PNPLA7: variants seen among roughly 807,000 people sequenced by gnomAD.
PNPLA7 encodes patatin-like phospholipase domain-containing protein 7.
Under a neutral mutation model 161.7 loss-of-function variants are expected in PNPLA7, and 153 were observed. That is an observed-to-expected ratio of 0.95 (90% CI 0.83 to 1.08). PNPLA7 has a LOEUF of 1.08. Ranked by LOEUF, PNPLA7 falls within the 50% of genes least tolerant of loss-of-function variation. The pLI is 0.00. For missense variants in PNPLA7, 1,739 were observed against 1,856.6 expected, an observed-to-expected ratio of 0.94 and a Z score of 1.16; for synonymous variants, 809 against 782.1, an observed-to-expected ratio of 1.03 and a Z score of -0.57.
At chr9:137,549,976 G>A (rs763203734) in intron 1 of PNPLA7, among the ~76,000 whole-genome samples, 192 bp downstream of exon 1, 10 of 152,216 alleles carry the variant, frequency 6.6e-5, no homozygotes, top group Admixed American at 3.9e-4. Flanking sequence ...TGTGACAGGC[G>A]CGTCTAACAA....
At chr9:137,539,484 C>G (rs565745592) in intron 8 of PNPLA7, among the ~76,000 whole-genome samples, 1 of 152,142 alleles carries the variant, frequency 6.6e-6, no homozygotes, top group African/African-American at 2.4e-5. Flanking sequence ...TCAGCCTGGC[C>G]AACATGGCAA....
rs766686294 is a variant in PNPLA7 at position 137,462,232 on chromosome 9, G to A, written c.3592C>T (p.Pro1198Ser). Residue 1198 changes from proline (P) to serine (S), a missense_variant, in exon 31 of 35, where the codon CCC becomes TCC. Pro to Ser is a moderately conservative substitution (Grantham distance 74). This residue lies in a region of PNPLA7 where 703 missense variants were observed against 694.6 expected (regional missense o/e 1.01). Coordinates refer to ENST00000406427, the MANE Select transcript of PNPLA7 (RefSeq NM_001098537.3). The part of the protein sequence containing the change: ...KSSDYCEYLR[P>S]PIDSYSTLDF... ...AGGGTGCTGTAGCTGTCGATGGGGGGGCGCAGGTACTCGCAGTAGTCACTG... is the reference window on the plus strand; with the variant it reads ...AGGGTGCTGTAGCTGTCGATGGGGGAGCGCAGGTACTCGCAGTAGTCACTG... The A allele has an allele frequency of 2.5e-6, 4 of 1,607,738 alleles. No individual in the cohort carries two copies. Among genetic ancestry groups the A allele is most frequent in the Non-Finnish European group, 3.4e-6 (4 of 1,176,718 alleles).
At chr9:137,539,974 C>T (rs989028940) in intron 8 of PNPLA7, among the ~76,000 whole-genome samples, 6 of 152,062 alleles carry the variant, frequency 3.9e-5, no homozygotes, top group Admixed American at 6.5e-5. Context: ...TTAGTAGAGA[C>T]GGGGTTTCAC....
At chr9:137,492,417 T>G (rs1221239827) in intron 20 of PNPLA7, 9 of 787,574 alleles carry the variant, frequency 1.1e-5, no homozygotes, top group Non-Finnish European at 1.4e-5. Context: ...GAGATACAGT[T>G]TGAAAAAAAT....
intron 8 of PNPLA7, among the ~76,000 whole-genome samples, chr9:137,534,483 G>A (rs1184589909): frequency 6.6e-6 from 1 of 152,066 alleles, no homozygotes; most frequent in Non-Finnish European, 1.5e-5. Context: ...CACTCCAGAT[G>A]GGAGCACTCC....
intron 12 of PNPLA7, among the ~76,000 whole-genome samples, chr9:137,508,554 C>A (rs985555878): frequency 6.7e-6 from 1 of 150,134 alleles, no homozygotes; most frequent in Non-Finnish European, 1.5e-5. Flanking sequence ...GCAACAAGAG[C>A]GAGACTCTGT....
intron 8 of PNPLA7, among the ~76,000 whole-genome samples, chr9:137,530,680 A>T (rs1835541027): frequency 6.6e-6 from 1 of 152,234 alleles, no homozygotes; most frequent in Non-Finnish European, 1.5e-5. Flanking sequence ...CCACAGCAGA[A>T]CTGTAACTCT....
intron 25 of PNPLA7, among the ~76,000 whole-genome samples, chr9:137,470,855 C>T (rs981545921): frequency 2.6e-5 from 4 of 152,180 alleles, no homozygotes; most frequent in East Asian, 1.9e-4. Flanking sequence ...ACAATCATCT[C>T]GATAGAGTCA....
At chr9:137,462,448 G>A (rs1831260426) in intron 30 of PNPLA7, 117 bp from the exon 31 acceptor site, 1 of 1,481,616 alleles carries the variant, frequency 6.7e-7, no homozygotes, top group Non-Finnish European at 9.0e-7. Flanking sequence ...GGTTCTGGGG[G>A]GAGAGGGTAG....
Position 137,501,693 on chromosome 9 carries a change from A to G in PNPLA7, c.1508T>C (p.Leu503Pro), listed in dbSNP as rs1408194282. 6.2e-7 allele frequency: 1 copy of G among 1,612,528 alleles called. No individual in the cohort carries two copies. The highest frequency in any genetic ancestry group is 1.3e-5 in the African/African-American group (1 of 74,910). Residue 503 changes from leucine (L) to proline (P), a missense_variant, in exon 15 of 35, where the codon CTG (leucine) becomes CCG (proline). Physicochemically the swap from Leu to Pro is moderately conservative, Grantham distance 98. Transcript: ENST00000406427. ...CACCACCGTGCCTGCAGGAACGTGC[A>G]GAAGCGCCACCCGGCCATCCAACAG... ...SSLLDGRVAL[L>P]HVPAGTVVSR...
chr9:137,514,582 G>A (rs1453715604), intron 12 of PNPLA7, among the ~76,000 whole-genome samples: 13 of 148,066 alleles, frequency 8.8e-5, no homozygotes, highest in African/African-American at 3.3e-4. Context: ...TGGCCGGGCT[G>A]TGGGCGGGTC....
In PNPLA7 at chr9:137,490,559, C is replaced by T. The variant is rs1161143300; in HGVS notation, c.2197+2454G>A. Among the ~76,000 whole-genome samples the T allele has an allele frequency of 6.6e-6, 1 of 152,152 alleles. No homozygotes were observed. The highest frequency in any genetic ancestry group is 1.5e-5 in the Non-Finnish European group (1 of 68,044). On this transcript the variant is annotated intron_variant, in intron 20 of 34. Transcript: ENST00000406427. This position sits in a 1 kb window ranked among gnomAD's most constrained non-coding sequence, Gnocchi z 4.1. ...TTCTGCCAAACCAGAATTATACATC[C>T]AGCAAAAGCACCCTTCAGCATGAGG... is the stretch of plus-strand genomic sequence containing the variant.
intron 8 of PNPLA7, among the ~76,000 whole-genome samples, chr9:137,532,983 C>T (rs960515619): frequency 6.6e-5 from 10 of 151,366 alleles, no homozygotes; most frequent in African/African-American, 1.7e-4. Context: ...CCACTCCAGA[C>T]GGGAGCACCC....
At chr9:137,521,403 C>G (rs1189383511) in intron 10 of PNPLA7, among the ~76,000 whole-genome samples, 1 of 152,192 alleles carries the variant, frequency 6.6e-6, no homozygotes, top group Non-Finnish European at 1.5e-5. Context: ...TTTTGGAACA[C>G]AAGGCCCCAG....
intron 8 of PNPLA7, among the ~76,000 whole-genome samples, chr9:137,525,443 G>C (rs1244136106): frequency 1.3e-5 from 2 of 152,230 alleles, no homozygotes; most frequent in Non-Finnish European, 2.9e-5. Flanking sequence ...CAAGGGGGCA[G>C]GTAAGAAGTG....
rs187841400 is a variant in PNPLA7 at position 137,467,716 on chromosome 9, G to A, written c.2883-243C>T. Reference sequence around the variant, plus strand: ...AGTTCGAGACCAGCCTGGCCAACAGGGCAAAATTCCATCTCTACTAAAAAT... The same window carrying A: ...AGTTCGAGACCAGCCTGGCCAACAGAGCAAAATTCCATCTCTACTAAAAAT... On this transcript the variant is annotated intron_variant, in intron 25 of 34. Transcript: ENST00000406427. The surrounding 1 kb of genome is among the most constrained non-coding windows in gnomAD (Gnocchi z 5.1). 6.6e-6 allele frequency among the ~76,000 whole-genome samples: 1 copy of A among 152,282 alleles called. No individual in the cohort carries two copies. The highest frequency in any genetic ancestry group is 6.5e-5 in the Admixed American group (1 of 15,302).
chr9:137,467,190 A>T lies in PNPLA7; in HGVS notation c.3039+127T>A. The stretch of plus-strand genomic sequence containing the variant: ...CTCACAAGCTGCACTGGGAGGCTTC[A>T]GGGGGTAGCCTCCTCGAGGGCAGGG... On this transcript the variant is annotated intron_variant, in intron 26 of 34. Coordinates refer to ENST00000406427, the MANE Select transcript of PNPLA7 (RefSeq NM_001098537.3). This position sits in a 1 kb window ranked among gnomAD's most constrained non-coding sequence, Gnocchi z 5.1. 1 of 1,288,664 alleles carries T rather than the reference A, an allele frequency of 7.8e-7. No homozygotes were observed. Among genetic ancestry groups the T allele is most frequent in the Non-Finnish European group, 1.0e-6 (1 of 961,566 alleles). The allele number at this position is 1,288,664 out of a possible 1,614,324, so 79.8% of individuals were successfully genotyped here.
chr9:137,467,074 C>T lies in PNPLA7; in HGVS notation c.3039+243G>A, dbSNP rs1831511654. On this transcript the variant is annotated intron_variant, in intron 26 of 34. Coordinates refer to ENST00000406427, the MANE Select transcript of PNPLA7 (RefSeq NM_001098537.3). The surrounding 1 kb of genome is among the most constrained non-coding windows in gnomAD (Gnocchi z 5.1). ...CGGGCACAGATCAGACCACCTCCCA[C>T]CACCGTCTCCACCAACTCAGACCTG... Among the ~76,000 whole-genome samples, 1 of 152,238 alleles carries T rather than the reference C, an allele frequency of 6.6e-6. No individual in the cohort carries two copies. Among genetic ancestry groups the T allele is most frequent in the Non-Finnish European group, 1.5e-5 (1 of 68,006 alleles).
chr9:137,473,498 G>A (rs73669110), intron 25 of PNPLA7, among the ~76,000 whole-genome samples: 3,935 of 152,298 alleles, frequency 0.026, 179 homozygotes, highest in African/African-American at 0.087. Context: ...TTCATCCAAA[G>A]ATGCCATTAA....
Sources: allele counts gnomAD v4.1 joint callset (sites outside exome capture counted in the v4.1 genomes callset), GRCh38; gene constraint gnomAD v4.1.1; regional missense constraint gnomAD v4.1.1; non-coding constraint Gnocchi (gnomAD v3.1); transcripts MANE v1.5; gene names NCBI Gene and HGNC (gene_info 2026-07-23, HGNC 2026-07-21).